The following FER1L6 variants were observed in gnomAD, a reference collection of about 807,000 sequenced individuals.
FER1L6 encodes fer-1-like protein 6.
FER1L6 carries 177 observed loss-of-function variants against 219.2 expected under a neutral mutation model. The observed-to-expected ratio is 0.81, with a 90% confidence interval of 0.71 to 0.91. The LOEUF is 0.91. FER1L6 is among the 40% of genes least tolerant of loss of function. FER1L6 has a pLI of 0.00. For missense variants in FER1L6, 2,153 were observed against 2,259.9 expected, an observed-to-expected ratio of 0.95 and a Z score of 0.96; for synonymous variants, 768 against 824.3, an observed-to-expected ratio of 0.93 and a Z score of 1.17.
intron 12 of FER1L6, among the ~76,000 whole-genome samples, chr8:123,996,340 T>C (rs550354723): frequency 1.3e-5 from 2 of 152,312 alleles, no homozygotes; most frequent in African/African-American, 4.8e-5. Context: ...TGCTTCAGCA[T>C]TGGGTGCCTT....
At chr8:123,940,066 G>A (rs955012095) in intron 1 of FER1L6, among the ~76,000 whole-genome samples, 5 of 152,176 alleles carry the variant, frequency 3.3e-5, no homozygotes, top group African/African-American at 9.7e-5. Flanking sequence ...ATTTCCCACA[G>A]GACAACCACA....
At chr8:123,890,691 T>C (rs1464298909) in intron 1 of FER1L6, among the ~76,000 whole-genome samples, 2 of 138,364 alleles carry the variant, frequency 1.4e-5, no homozygotes, top group African/African-American at 2.7e-5. Context: ...TTAAGTTTCC[T>C]GGTTAAACAA....
intron 1 of FER1L6, among the ~76,000 whole-genome samples, chr8:123,861,450 G>T (rs1320778557): frequency 6.9e-6 from 1 of 145,964 alleles, no homozygotes; most frequent in Non-Finnish European, 1.5e-5. Flanking sequence ...GCTTAGGATT[G>T]ACTTGGCGAT....
At chr8:124,009,054 G>A (rs1817794245) in intron 13 of FER1L6, among the ~76,000 whole-genome samples, 1 of 151,974 alleles carries the variant, frequency 6.6e-6, no homozygotes, top group Non-Finnish European at 1.5e-5. Flanking sequence ...CATGAATGCA[G>A]TGAAAAGGTA....
Position 124,067,795 on chromosome 8 carries a change from A to G in FER1L6, c.3707A>G (p.Lys1236Arg), listed in dbSNP as rs1185428934. 1 of 1,612,646 alleles carries G rather than the reference A, an allele frequency of 6.2e-7. No homozygotes were observed. ...KAKERNPKGK[K>R]GNTEAKPDEV... is the part of the protein sequence containing the mutation. Reference sequence around the variant, plus strand: ...AAGGAGAGAAATCCCAAGGGAAAAAAAGGCAATACAGGTAAGCAGTTATTC... The same window carrying G: ...AAGGAGAGAAATCCCAAGGGAAAAAGAGGCAATACAGGTAAGCAGTTATTC... Residue 1236 changes from lysine (K) to arginine (R), a missense_variant, in exon 28 of 41, where the codon AAA (lysine) becomes AGA (arginine). Physicochemically the swap from Lys to Arg is conservative, Grantham distance 26. Coordinates refer to ENST00000522917, the MANE Select transcript of FER1L6 (RefSeq NM_001039112.2).
chr8:123,852,788 A>G lies in FER1L6; in HGVS notation c.-8+603A>G, dbSNP rs1213726247. On this transcript the variant is annotated intron_variant, in intron 1 of 40. Coordinates refer to ENST00000522917, the MANE Select transcript of FER1L6 (RefSeq NM_001039112.2). This position sits in a 1 kb window ranked among gnomAD's most constrained non-coding sequence, Gnocchi z 4.9. ...ATGAAGAAACTGAAAATGCAGCATT[A>G]CTATTAACTAAGCTCCACGCTTTAT... Among the ~76,000 whole-genome samples, 38 of 152,292 alleles carry G rather than the reference A, an allele frequency of 2.5e-4. No homozygotes were observed. The highest frequency in any genetic ancestry group is 2.9e-5 in the Non-Finnish European group (2 of 68,028).
chr8:123,882,749 G>A (rs922552146), intron 1 of FER1L6, among the ~76,000 whole-genome samples: 2 of 152,180 alleles, frequency 1.3e-5, no homozygotes, highest in Non-Finnish European at 2.9e-5. Flanking sequence ...TATGAATAGA[G>A]TACGGAGGAT....
rs1212536314 is a variant in FER1L6, at chr8:124,069,357, C to T, written c.3719-3C>T. On this transcript the variant is annotated splice_polypyrimidine_tract_variant and splice_region_variant and intron_variant, in intron 28 of 40. Coordinates refer to ENST00000522917, the MANE Select transcript of FER1L6 (RefSeq NM_001039112.2). The stretch of plus-strand genomic sequence containing the variant: ...AAACCTAATTTCTGCTGAATATCCA[C>T]AGAGGCAAAGCCAGATGAGGTAGTG... 4 of 1,607,176 alleles carry T rather than the reference C, an allele frequency of 2.5e-6. No individual in the cohort carries two copies. Among genetic ancestry groups the T allele is most frequent in the Non-Finnish European group, 3.4e-6 (4 of 1,175,408 alleles).
At chr8:123,935,561 G>GT (rs1813952647) in intron 1 of FER1L6, among the ~76,000 whole-genome samples, 1 of 152,152 alleles carries the variant, frequency 6.6e-6, no homozygotes, top group Non-Finnish European at 1.5e-5. Context: ...GAAGTGCCTA[G>GT]AAATGTATCA....
chr8:124,061,548 A>G (rs1040666790), intron 24 of FER1L6, among the ~76,000 whole-genome samples: 3 of 152,186 alleles, frequency 2.0e-5, no homozygotes, highest in African/African-American at 7.2e-5. Context: ...TTTGGAGATG[A>G]GAGTTCTGTT....
At chr8:123,914,973 C>T (rs1813141213) in intron 1 of FER1L6, among the ~76,000 whole-genome samples, 1 of 151,582 alleles carries the variant, frequency 6.6e-6, no homozygotes, top group Non-Finnish European at 1.5e-5. Context: ...GTAATTATTG[C>T]TAATGTTTTC....
chr8:124,089,918 T>C lies in FER1L6; in HGVS notation c.4392-1505T>C, dbSNP rs893952462. ...TCAATATATCTGTAGAATTCAATCATAGGCATTATAAGATGGTAAAACCAA... is the reference window on the plus strand; with the variant it reads ...TCAATATATCTGTAGAATTCAATCACAGGCATTATAAGATGGTAAAACCAA... On this transcript the variant is annotated intron_variant, in intron 33 of 40. Coordinates refer to ENST00000522917, the MANE Select transcript of FER1L6 (RefSeq NM_001039112.2). Among the ~76,000 whole-genome samples the C allele has an allele frequency of 2.2e-4, 22 of 101,716 alleles. 1 individual carries two copies. The highest frequency in any genetic ancestry group is 6.7e-4 in the South Asian group (2 of 3,004). The allele number at this position is 101,716 out of a possible 152,430, so 66.7% of individuals were successfully genotyped here. A position where few individuals can be genotyped will look rare whatever the true frequency, so the allele number is the denominator to read the frequency against.
At chr8:124,060,864 G>GTTT in intron 24 of FER1L6, 155 bp downstream of exon 24, 1 of 906,618 alleles carries the variant, frequency 1.1e-6, no homozygotes. Flanking sequence ...TGTTGTTGTT[G>GTTT]TTTTGTTTTG....
intron 30 of FER1L6, among the ~76,000 whole-genome samples, chr8:124,070,840 A>T (rs1821039037): frequency 6.6e-6 from 1 of 152,220 alleles, no homozygotes; most frequent in Admixed American, 6.5e-5. Flanking sequence ...ATTACCTGAA[A>T]GGAACACTGA....
In FER1L6 at chr8:124,091,461, C is replaced by T. The variant is rs185327779; in HGVS notation, c.4430C>T (p.Thr1477Ile). ...GCCTGGAGAGACACGTCCAAACCCA[C>T]CGAAATCCTCACTAAGCTCTGCAAA... ...YNAWRDTSKP[T>I]EILTKLCKDN... The change falls in exon 34 of 41, where the codon ACC (threonine) becomes ATC (isoleucine). Residue 1477 changes from threonine to isoleucine, a missense_variant. Coordinates refer to ENST00000522917, the MANE Select transcript of FER1L6 (RefSeq NM_001039112.2). 5.6e-5 allele frequency: 91 copies of T among 1,614,062 alleles called. No individual in the cohort carries two copies. In the Admixed American group the frequency reaches 7.8e-4, roughly 14 times the overall value.
intron 1 of FER1L6, among the ~76,000 whole-genome samples, chr8:123,890,625 A>ATTTTTTTTTTTTTTTT (rs59914385): frequency 4.4e-5 from 4 of 91,426 alleles, no homozygotes; most frequent in African/African-American, 4.2e-5. Flanking sequence ...TAAAAATTTG[A>ATTTTTTTTTTTTTTTT]TTTTTTTTTT....
In FER1L6 at chr8:124,069,597, G is replaced by A. The variant is rs551616178; in HGVS notation, c.3834+122G>A. On this transcript the variant is annotated intron_variant, in intron 29 of 40. Coordinates refer to ENST00000522917, the MANE Select transcript of FER1L6 (RefSeq NM_001039112.2). ...TTGATATTTTGTCTTCATTGTCACC[G>A]ATGTAGAGAAGTAAACTTTGATGTG... 191 of 658,786 alleles carry A rather than the reference G, an allele frequency of 2.9e-4. 2 individuals carry two copies. The South Asian group carries it at 3.8e-3, about 13-fold the overall frequency. 40.8% of individuals were successfully genotyped at this position (658,786 alleles called of 1,614,324 possible).
At chr8:123,969,544 C>A (rs779067483) in intron 5 of FER1L6, among the ~76,000 whole-genome samples, 1 of 152,074 alleles carries the variant, frequency 6.6e-6, no homozygotes, top group Non-Finnish European at 1.5e-5. Flanking sequence ...ACTATCTATT[C>A]AAAAGTTATA....
Position 124,111,486 on chromosome 8 carries a change from C to G in FER1L6, c.5290-7358C>G, listed in dbSNP as rs1823021770. Among the ~76,000 whole-genome samples, 1 of 152,078 alleles carries G rather than the reference C, an allele frequency of 6.6e-6. No individual in the cohort carries two copies. Among genetic ancestry groups the G allele is most frequent in the African/African-American group, 2.4e-5 (1 of 41,406 alleles). ...CTTGCATCTTGGGCAAGAAGGAATT[C>G]AGGGCAAGTCTGTAAAGAGAAAGCA... On this transcript the variant is annotated intron_variant, in intron 39 of 40. Coordinates refer to ENST00000522917, the MANE Select transcript of FER1L6 (RefSeq NM_001039112.2). This position sits in a 1 kb window ranked among gnomAD's most constrained non-coding sequence, Gnocchi z 5.0.
Sources: gnomAD v4.1 joint callset for allele counts (sites outside exome capture counted in the v4.1 genomes callset) on GRCh38, gnomAD v4.1.1 for gene constraint, Gnocchi (gnomAD v3.1) non-coding constraint, MANE v1.5 for transcripts, NCBI Gene and HGNC (gene_info 2026-07-23, HGNC 2026-07-21) for gene names.